MEGF11: variants seen among roughly 807,000 people sequenced by gnomAD.
MEGF11 encodes the protein multiple EGF like domains 11, also known as multiple epidermal growth factor-like domains protein 11.
A neutral mutation model predicts 146.6 loss-of-function variants in MEGF11; 126 were observed. The observed-to-expected ratio is 0.86, with a 90% CI of 0.74 to 1.00. The LOEUF is 1.00. MEGF11 is among the 50% of genes least tolerant of loss of function. The pLI, the probability that MEGF11 is intolerant of heterozygous loss-of-function variation, is 0.00. For missense variants in MEGF11, 1,509 were observed against 1,521.2 expected, an observed-to-expected ratio of 0.99 and a Z score of 0.13; for synonymous variants, 532 against 583.4, an observed-to-expected ratio of 0.91 and a Z score of 1.27.
At chr15:66,020,630 G>C (rs1374084472) in intron 5 of MEGF11, among the ~76,000 whole-genome samples, 1 of 152,182 alleles carries the variant, frequency 6.6e-6, no homozygotes, top group African/African-American at 2.4e-5. Flanking sequence ...ACTGGCATTA[G>C]GTTGAAAGAA....
intron 1 of MEGF11, among the ~76,000 whole-genome samples, chr15:66,154,306 C>T (rs201569834): frequency 1.5e-5 from 2 of 129,150 alleles, no homozygotes; most frequent in Non-Finnish European, 3.4e-5. Flanking sequence ...TCGCGCTCGC[C>T]CACACTCCAT....
intron 5 of MEGF11, among the ~76,000 whole-genome samples, chr15:65,994,612 T>C (rs2082147354): frequency 1.3e-5 from 2 of 152,014 alleles, no homozygotes; most frequent in African/African-American, 4.8e-5. Context: ...GTTAGGGTGA[T>C]TTGGACCTGG....
At chr15:66,242,865 A>G (rs549063071) in intron 1 of MEGF11, among the ~76,000 whole-genome samples, 2 of 152,302 alleles carry the variant, frequency 1.3e-5, no homozygotes, top group East Asian at 3.9e-4. Flanking sequence ...TGGCCTATGC[A>G]TAATCTAATT....
At chr15:66,134,985 G>A (rs1370214967) in intron 1 of MEGF11, among the ~76,000 whole-genome samples, 2 of 152,344 alleles carry the variant, frequency 1.3e-5, no homozygotes, top group African/African-American at 4.8e-5. Flanking sequence ...ACTTGGGTTC[G>A]AATCCTACCC....
At position 65,897,870 on chromosome 15, in the gene MEGF11, G is replaced by T; in HGVS notation, c.*64C>A. On this transcript the variant is annotated 3_prime_UTR_variant, in exon 26 of 26. Transcript: ENST00000395614. ...TCTGTACCATTACTTCAAGTCAAGG[G>T]ACTGTCTTCTTTCAGAGTCAGAATA... 6.7e-7 allele frequency: 1 copy of T among 1,488,332 alleles called. No individual in the cohort carries two copies. The highest frequency in any genetic ancestry group is 1.3e-5 in the South Asian group (1 of 79,888). The allele number at this position is 1,488,332 out of a possible 1,614,324, so 92.2% of individuals were successfully genotyped here. A position where few individuals can be genotyped will look rare whatever the true frequency, so the allele number is the denominator to read the frequency against.
At chr15:66,091,813 G>A (rs564823014) in intron 5 of MEGF11, among the ~76,000 whole-genome samples, 63 of 152,296 alleles carry the variant, frequency 4.1e-4, no homozygotes, top group Non-Finnish European at 7.6e-4. Context: ...TAAAGGCCAC[G>A]GCCAACGGAG....
intron 5 of MEGF11, among the ~76,000 whole-genome samples, chr15:66,064,840 T>C (rs2085052842): frequency 6.6e-6 from 1 of 151,978 alleles, no homozygotes; most frequent in African/African-American, 2.4e-5. Flanking sequence ...TGTGAGATGA[T>C]TTTTATATGG....
intron 5 of MEGF11, among the ~76,000 whole-genome samples, chr15:66,028,552 C>T (rs564027329): frequency 3.3e-5 from 5 of 152,200 alleles, no homozygotes; most frequent in Non-Finnish European, 5.9e-5. Flanking sequence ...AATACTGTAT[C>T]CAATGGAAAT....
chr15:66,146,743 C>T (rs1449495136), intron 1 of MEGF11, among the ~76,000 whole-genome samples: 3 of 152,352 alleles, frequency 2.0e-5, no homozygotes, highest in African/African-American at 7.2e-5. Context: ...CATCAGTCCA[C>T]GGAGGCACAC....
chr15:65,910,163 A>G (rs2141181656), intron 21 of MEGF11, among the ~76,000 whole-genome samples: 1 of 152,236 alleles, frequency 6.6e-6, no homozygotes, highest in Non-Finnish European at 1.5e-5. Flanking sequence ...ACATGAGGCC[A>G]TCTCCAGCAC....
intron 10 of MEGF11, among the ~76,000 whole-genome samples, chr15:65,947,319 C>T (rs984501030): frequency 1.3e-5 from 2 of 152,110 alleles, no homozygotes; most frequent in African/African-American, 4.8e-5. Flanking sequence ...GCAGGGCTAG[C>T]AGGAGCTTTC....
intron 1 of MEGF11, among the ~76,000 whole-genome samples, chr15:66,225,009 T>C (rs1393687784): frequency 6.6e-6 from 1 of 152,220 alleles, no homozygotes; most frequent in East Asian, 1.9e-4. Context: ...TGCTGGAGAA[T>C]ACAGGCACAG....
At chr15:65,991,384 A>G (rs142836327) in intron 5 of MEGF11, among the ~76,000 whole-genome samples, 2 of 152,348 alleles carry the variant, frequency 1.3e-5, no homozygotes, top group Non-Finnish European at 2.9e-5. Context: ...AGATGTGATT[A>G]TGATTCCATT....
intron 7 of MEGF11, among the ~76,000 whole-genome samples, chr15:65,971,452 C>T (rs1474235318): frequency 6.6e-6 from 1 of 152,168 alleles, no homozygotes. Context: ...CCTTGAATAG[C>T]AGCCAGGTGA....
chr15:65,897,228 A>T lies in MEGF11; in HGVS notation c.*706T>A, dbSNP rs1009375236. 7 of 152,206 alleles carry T rather than the reference A, an allele frequency of 4.6e-5. No individual in the cohort carries two copies. In the South Asian group the frequency reaches 6.2e-4, roughly 14 times the overall value. The allele number at this position is 152,206 out of a possible 1,614,324, so 9.4% of individuals were successfully genotyped here. A position where few individuals can be genotyped will look rare whatever the true frequency, so the allele number is the denominator to read the frequency against. ...AAAATTTGATAAAGCTGCCCTAGGA[A>T]TCTTATTGTAGACTGAAAGAGACAC... is the stretch of plus-strand genomic sequence containing the variant. On this transcript the variant is annotated 3_prime_UTR_variant, in exon 26 of 26. Transcript: ENST00000395614.
At chr15:65,908,532 C>A (rs950678670) in intron 23 of MEGF11, among the ~76,000 whole-genome samples, 2 of 152,208 alleles carry the variant, frequency 1.3e-5, no homozygotes, top group Non-Finnish European at 2.9e-5. Context: ...TTGGTTGATA[C>A]ATCCTGCCCC....
intron 5 of MEGF11, among the ~76,000 whole-genome samples, chr15:66,008,202 C>T (rs1457657755): frequency 6.6e-6 from 1 of 152,050 alleles, no homozygotes; most frequent in Non-Finnish European, 1.5e-5. Flanking sequence ...ATAGAAAGAA[C>T]CACAAATACA....
At chr15:66,198,036 G>T (rs1253956369) in intron 1 of MEGF11, among the ~76,000 whole-genome samples, 1 of 152,176 alleles carries the variant, frequency 6.6e-6, no homozygotes, top group East Asian at 1.9e-4. Flanking sequence ...ACCAGCCTGG[G>T]CACTACAGTG....
chr15:65,915,346 T>G (rs1010005317), intron 19 of MEGF11, 124 bp downstream of exon 19: 7 of 1,318,678 alleles, frequency 5.3e-6, no homozygotes, highest in Non-Finnish European at 7.2e-6. Flanking sequence ...ACCCTATTCC[T>G]GCTGTCCTCA....
Sources: gnomAD v4.1 joint callset for allele counts (sites outside exome capture counted in the v4.1 genomes callset) on GRCh38, gnomAD v4.1.1 for gene constraint, MANE v1.5 for transcripts, NCBI Gene and HGNC (gene_info 2026-07-23, HGNC 2026-07-21) for gene names.